Variants in NDUFS1 observed in about 807,000 individuals in gnomAD.
NDUFS1 encodes the protein NADH-ubiquinone oxidoreductase 75 kDa subunit, mitochondrial.
Under a neutral mutation model 84.4 loss-of-function variants are expected in NDUFS1, and 61 were observed. The ratio of observed to expected loss-of-function variants is 0.72; its 90% CI spans 0.59 to 0.89. The LOEUF (loss-of-function observed/expected upper bound fraction) is 0.89, where lower values mean the gene tolerates loss of function less well. NDUFS1 is among the 40% of genes least tolerant of loss of function. The pLI, the probability that NDUFS1 is intolerant of heterozygous loss-of-function variation, is 0.00. For missense variants in NDUFS1, 891 were observed against 890.0 expected (o/e 1.00, Z -0.01); for synonymous variants, 275 against 290.0 (o/e 0.95, Z 0.53).
intron 1 of NDUFS1, among the ~76,000 whole-genome samples, chr2:206,158,038 AC>A (rs1687738516): frequency 6.9e-6 from 1 of 144,072 alleles, no homozygotes; most frequent in Non-Finnish European, 1.5e-5. Context: ...ATCTCGGCTC[AC>A]TGCAAGCCCC....
chr2:206,142,885 C>T lies in NDUFS1; in HGVS notation c.988-54G>A. The T allele has an allele frequency of 1.9e-6, 3 of 1,601,920 alleles. No individual in the cohort carries two copies. In the South Asian group the frequency reaches 3.3e-5, roughly 18 times the overall value. On this transcript the variant is annotated intron_variant, in intron 10 of 18. Transcript: ENST00000233190. ...AGAAACCTACACGCAGCAAAGACCA[C>T]AATGAAATGTTCAGAAAATAAAACA...
Position 206,159,352 on chromosome 2 carries a change from A to T in NDUFS1, c.-16T>A. Reference sequence around the variant, plus strand: ...ATACAAGACCTCACCTTCTCCCCGGAGCCGCGGAGGCTGTTCTGCTAAACT... The same window carrying T: ...ATACAAGACCTCACCTTCTCCCCGGTGCCGCGGAGGCTGTTCTGCTAAACT... On this transcript the variant is annotated 5_prime_UTR_variant, in exon 1 of 19. Coordinates refer to ENST00000233190, the MANE Select transcript of NDUFS1 (RefSeq NM_005006.7). The T allele has an allele frequency of 1.7e-6, 1 of 598,380 alleles. No individual in the cohort carries two copies. The highest frequency in any genetic ancestry group is 3.0e-6 in the Non-Finnish European group (1 of 336,254). 37.1% of individuals were successfully genotyped at this position (598,380 alleles called of 1,614,324 possible).
At chr2:206,151,703 C>T (rs1224294871) in intron 3 of NDUFS1, among the ~76,000 whole-genome samples, 2 of 152,150 alleles carry the variant, frequency 1.3e-5, no homozygotes, top group South Asian at 2.1e-4. Context: ...TGAATGTAAG[C>T]ACATGCTACC....
intron 1 of NDUFS1, among the ~76,000 whole-genome samples, chr2:206,158,087 C>T (rs1376020382): frequency 9.5e-6 from 1 of 105,076 alleles, no homozygotes; most frequent in Non-Finnish European, 1.8e-5. Context: ...CCTCAGCCTC[C>T]CAAGTAGCTG....
chr2:206,126,315 A>G (rs1419722527), intron 18 of NDUFS1, among the ~76,000 whole-genome samples: 1 of 152,254 alleles, frequency 6.6e-6, no homozygotes, highest in Admixed American at 6.5e-5. Flanking sequence ...TATATTTAAA[A>G]TCTATTAATT....
chr2:206,152,522 A>C lies in NDUFS1; in HGVS notation c.62-12T>G, dbSNP rs1437880537. ...GGCAGTTGTTCGAACTGACCATCAA[A>C]GATATTGAAGCGAAAAACAGATTAA... On this transcript the variant is annotated splice_polypyrimidine_tract_variant and intron_variant, in intron 2 of 18. Transcript: ENST00000233190. 2.5e-6 allele frequency: 4 copies of C among 1,611,362 alleles called. No individual in the cohort carries two copies. The highest frequency in any genetic ancestry group is 3.4e-6 in the Non-Finnish European group (4 of 1,177,486).
chr2:206,131,319 G>C (rs1691503692), intron 14 of NDUFS1, among the ~76,000 whole-genome samples: 1 of 152,020 alleles, frequency 6.6e-6, no homozygotes, highest in South Asian at 2.1e-4. Context: ...ATGTTAAAAA[G>C]AAGAAAATGG....
intron 7 of NDUFS1, 51 bp downstream of exon 7, chr2:206,147,480 A>G: frequency 6.6e-7 from 1 of 1,525,408 alleles, no homozygotes; most frequent in Non-Finnish European, 8.9e-7. Flanking sequence ...AATTGTGACT[A>G]TTAAGTATAC....
At position 206,123,790 on chromosome 2, in the gene NDUFS1, G is replaced by T; in HGVS notation, c.*395C>A. On this transcript the variant is annotated 3_prime_UTR_variant, in exon 19 of 19. Transcript: ENST00000233190. ...ATTATGTATTTTTCCTATTTACCCA[G>T]CTTGACAAGGTGCTTAAATCTTTTC... 5.9e-6 allele frequency: 1 copy of T among 168,926 alleles called. No homozygotes were observed. Among genetic ancestry groups the T allele is most frequent in the Non-Finnish European group, 1.3e-5 (1 of 78,722 alleles). The allele number at this position is 168,926 out of a possible 1,614,324, so 10.5% of individuals were successfully genotyped here.
intron 12 of NDUFS1, among the ~76,000 whole-genome samples, chr2:206,141,058 C>G (rs12694041): frequency 0.43 from 65,167 of 151,348 alleles, 14,421 homozygotes; most frequent in African/African-American, 0.49. Context: ...TGAATTATTT[C>G]AAAATAAAAA....
In NDUFS1 at chr2:206,144,000, ATTTATTTCAAATTT is replaced by A; in HGVS notation, c.987+4_987+17del. ...ATAATCACAAACACTATTTAACACT[ATTTATTTCAAATTT>A]TACCATTCCAGCTACGCGAGAGAGC... On this transcript the variant is annotated splice_donor_5th_base_variant and intron_variant, in intron 10 of 18. Coordinates refer to ENST00000233190, the MANE Select transcript of NDUFS1 (RefSeq NM_005006.7). The A allele has an allele frequency of 6.4e-7, 1 of 1,560,008 alleles. No homozygotes were observed. The highest frequency in any genetic ancestry group is 8.8e-7 in the Non-Finnish European group (1 of 1,131,144).
In NDUFS1 at chr2:206,132,861, T is replaced by A. The variant is rs1003119863; in HGVS notation, c.1553+84A>T. On this transcript the variant is annotated intron_variant, in intron 14 of 18. Coordinates refer to ENST00000233190, the MANE Select transcript of NDUFS1 (RefSeq NM_005006.7). Reference sequence around the variant, plus strand: ...AATGTTGCTAAATGTTGTTTGTAAATTAAATTTAACAGTGTATCAGGAACA... The same window carrying A: ...AATGTTGCTAAATGTTGTTTGTAAAATAAATTTAACAGTGTATCAGGAACA... 4.8e-6 allele frequency: 6 copies of A among 1,257,216 alleles called. No individual in the cohort carries two copies. The African/African-American group carries it at 7.4e-5, about 16-fold the overall frequency. 77.9% of individuals were successfully genotyped at this position (1,257,216 alleles called of 1,614,324 possible). A position where few individuals can be genotyped will look rare whatever the true frequency, so the allele number is the denominator to read the frequency against.
Position 206,126,557 on chromosome 2 carries a change from T to A in NDUFS1, c.2074A>T (p.Lys692Ter), listed in dbSNP as rs765314993. 6.2e-7 allele frequency: 1 copy of A among 1,614,166 alleles called. No homozygotes were observed. The highest frequency in any genetic ancestry group is 2.2e-5 in the East Asian group (1 of 44,864). ...DPLVPPQLTI[K>*]DFYMTDSISR... ...TACATACCTGTCATGTAGAAGTCTTTTATAGTTAGCTGAGGTGGAACAAGT... is the reference window on the plus strand; with the variant it reads ...TACATACCTGTCATGTAGAAGTCTTATATAGTTAGCTGAGGTGGAACAAGT... The change falls in exon 18 of 19, where the codon AAA becomes TAA. Residue 692 changes from lysine (K) to a stop codon, truncating the protein, a stop_gained. Transcript: ENST00000233190. LOFTEE classifies it high-confidence loss of function.
In NDUFS1 at chr2:206,118,119, AG is replaced by A. The variant is rs1691000357; in HGVS notation, c.*6065del. The A allele has an allele frequency of 6.6e-6, 1 of 152,196 alleles. No individual in the cohort carries two copies. The highest frequency in any genetic ancestry group is 6.5e-5 in the Admixed American group (1 of 15,270). 9.4% of individuals were successfully genotyped at this position (152,196 alleles called of 1,614,324 possible). A position where few individuals can be genotyped will look rare whatever the true frequency, so the allele number is the denominator to read the frequency against. ...ATCAGATGTTTTGAGTATCAGCAAT[AG>A]GTAAGTCAATCTCTAAACATTTTCA... On this transcript the variant is annotated 3_prime_UTR_variant, in exon 19 of 19. Coordinates refer to ENST00000233190, the MANE Select transcript of NDUFS1 (RefSeq NM_005006.7).
At position 206,154,922 on chromosome 2, in the gene NDUFS1, C is replaced by CTTTT. The variant is rs71034412; in HGVS notation, c.-4-1244_-4-1241dup. ...AAGGCGTGAGCCACCGTGCCCGGCC[C>CTTTT]TTTTTTTTTTTTTTTTTTTTTGAGA... On this transcript the variant is annotated intron_variant, in intron 1 of 18. Coordinates refer to ENST00000233190, the MANE Select transcript of NDUFS1 (RefSeq NM_005006.7). 6.8e-4 allele frequency among the ~76,000 whole-genome samples: 69 copies of CTTTT among 100,796 alleles called. 1 individual carries two copies. The highest frequency in any genetic ancestry group is 2.2e-3 in the African/African-American group (53 of 23,846). 66.1% of individuals were successfully genotyped at this position (100,796 alleles called of 152,430 possible).
chr2:206,159,167 G>A (rs759869460), intron 1 of NDUFS1, 174 bp downstream of exon 1: 12 of 1,535,410 alleles, frequency 7.8e-6, no homozygotes, highest in South Asian at 3.6e-5. Flanking sequence ...AGAGACCGTG[G>A]CTAAAAGCCC....
rs1353491489 is a variant in NDUFS1 at position 206,117,633 on chromosome 2, C to CA, written c.*6551_*6552insT. On this transcript the variant is annotated 3_prime_UTR_variant, in exon 19 of 19. Transcript: ENST00000233190. ...TATTTTTAGTAGAGATGGGGTTTCA[C>CA]TATCTTGGCCAGGCTGGTCTTGAAC... 1 of 152,188 alleles carries CA rather than the reference C, an allele frequency of 6.6e-6. No individual in the cohort carries two copies. The highest frequency in any genetic ancestry group is 6.6e-5 in the Admixed American group (1 of 15,264). 9.4% of individuals were successfully genotyped at this position (152,188 alleles called of 1,614,324 possible). A position where few individuals can be genotyped will look rare whatever the true frequency, so the allele number is the denominator to read the frequency against.
At chr2:206,144,865 A>G in intron 9 of NDUFS1, 27 bp downstream of exon 9, 1 of 1,608,152 alleles carries the variant, frequency 6.2e-7, no homozygotes, top group Non-Finnish European at 8.5e-7. Context: ...AAACTGTAAA[A>G]GTTAAGGAAA....
At chr2:206,130,421 C>T (rs772692387) in intron 14 of NDUFS1, among the ~76,000 whole-genome samples, 179 bp from the exon 15 acceptor site, 2 of 151,118 alleles carry the variant, frequency 1.3e-5, no homozygotes, top group African/African-American at 4.9e-5. Context: ...GTGGCGTGAT[C>T]TCGGCTCACT....
Sources: allele counts gnomAD v4.1 joint callset (sites outside exome capture counted in the v4.1 genomes callset), GRCh38; gene constraint gnomAD v4.1.1; transcripts MANE v1.5; gene names NCBI Gene and HGNC (gene_info 2026-07-23, HGNC 2026-07-21).